CSMD2: variants seen among roughly 807,000 people sequenced by gnomAD.
The protein encoded by CSMD2 is CUB and sushi domain-containing protein 2.
CSMD2 carries 130 observed loss-of-function variants against 398.5 expected under a neutral mutation model. The ratio of observed to expected loss-of-function variants is 0.33; its 90% CI spans 0.28 to 0.38. CSMD2 has a LOEUF of 0.38. Among genes scored for constraint, CSMD2 ranks in the 10% least tolerant of loss-of-function variants. The probability of loss-of-function intolerance (pLI) is 1.00; values close to 1 mark genes in which losing one functional copy is unlikely to be tolerated. For missense variants in CSMD2, 3,829 were observed against 4,764.9 expected (o/e 0.80, Z 5.78); for synonymous variants, 1,828 against 1,908.5 (o/e 0.96, Z 1.10).
At chr1:33,686,515 C>T (rs899842556) in intron 25 of CSMD2, among the ~76,000 whole-genome samples, 3 of 152,240 alleles carry the variant, frequency 2.0e-5, no homozygotes, top group African/African-American at 7.2e-5. Flanking sequence ...TTCCATTCCA[C>T]TCTTGTCACA....
intron 1 of CSMD2, among the ~76,000 whole-genome samples, chr1:34,157,541 C>A (rs1180813779): frequency 6.6e-6 from 1 of 151,844 alleles, no homozygotes; most frequent in African/African-American, 2.4e-5. Context: ...CCATTCTACT[C>A]GACCCCAACT....
chr1:33,945,873 GA>G (rs1047862075), intron 3 of CSMD2, among the ~76,000 whole-genome samples: 2 of 152,128 alleles, frequency 1.3e-5, no homozygotes, highest in Non-Finnish European at 2.9e-5. Context: ...AAAACACATG[GA>G]AAATAAGTGG....
At chr1:33,592,164 A>G (rs935988312) in intron 44 of CSMD2, 1 of 511,282 alleles carries the variant, frequency 2.0e-6, no homozygotes, top group African/African-American at 1.9e-5. Flanking sequence ...AAGGTAGAGG[A>G]CGAGGAACTG....
intron 64 of CSMD2, among the ~76,000 whole-genome samples, chr1:33,531,878 T>C (rs1287504387): frequency 6.6e-6 from 1 of 152,180 alleles, no homozygotes; most frequent in Admixed American, 6.5e-5. Context: ...ATGAAAAAAT[T>C]CTGGAAATGG....
intron 2 of CSMD2, among the ~76,000 whole-genome samples, chr1:34,045,854 G>A (rs3125615): frequency 0.78 from 119,366 of 152,202 alleles, 47,089 homozygotes; most frequent in East Asian, 1. Flanking sequence ...CTACCCCAAC[G>A]GTTCCCAAAT....
At chr1:34,063,029 C>G (rs936687065) in intron 2 of CSMD2, among the ~76,000 whole-genome samples, 1 of 152,008 alleles carries the variant, frequency 6.6e-6, no homozygotes, top group African/African-American at 2.4e-5. Context: ...GCGGAAACCC[C>G]GATAAAACCA....
chr1:34,155,098 G>A lies in CSMD2; in HGVS notation c.187+9813C>T, dbSNP rs138358987. On this transcript the variant is annotated intron_variant, in intron 1 of 70. Coordinates refer to ENST00000373381, the MANE Select transcript of CSMD2 (RefSeq NM_001281956.2). ...TACTTATTGGGATTGGGATAGCTTA[G>A]CTTCAGGATTGGGGATGAAGGGAGG... Among the ~76,000 whole-genome samples, 53 of 152,322 alleles carry A rather than the reference G, an allele frequency of 3.5e-4. No homozygotes were observed. The East Asian group carries it at 0.01, about 29-fold the overall frequency.
chr1:33,523,509 T>C, intron 66 of CSMD2, 90 bp from the exon 67 acceptor site: 2 of 661,154 alleles, frequency 3.0e-6, no homozygotes, highest in South Asian at 3.7e-5. Context: ...AGTTTCTGGA[T>C]GGAATTTCAT....
chr1:33,992,173 C>T (rs1646575902), intron 3 of CSMD2, among the ~76,000 whole-genome samples: 2 of 152,116 alleles, frequency 1.3e-5, no homozygotes, highest in Non-Finnish European at 2.9e-5. Flanking sequence ...AAATTACAGC[C>T]CACATAGTCT....
intron 28 of CSMD2, 65 bp downstream of exon 28, chr1:33,652,258 C>A (rs1320434936): frequency 1.3e-6 from 2 of 1,558,530 alleles, no homozygotes; most frequent in African/African-American, 2.7e-5. Flanking sequence ...CACCTGGAGA[C>A]CCAGGTCCCA....
chr1:33,662,085 G>A (rs1644155518), intron 26 of CSMD2, among the ~76,000 whole-genome samples: 1 of 152,210 alleles, frequency 6.6e-6, no homozygotes, highest in Non-Finnish European at 1.5e-5. Context: ...ATGCATTCCA[G>A]GGAGAGGCAG....
chr1:33,912,416 C>G (rs946465393), intron 5 of CSMD2, among the ~76,000 whole-genome samples: 2 of 150,172 alleles, frequency 1.3e-5, no homozygotes, highest in African/African-American at 4.9e-5. Context: ...CATACACCCC[C>G]CCACACACAC....
chr1:33,537,629 A>C lies in CSMD2; in HGVS notation c.9632-20T>G, dbSNP rs746764020. ...ACACAGCTGGGAAGACGAAGGGAGAAAGGCAGGTCTAAGTTGCTTTCCAGA... is the reference window on the plus strand; with the variant it reads ...ACACAGCTGGGAAGACGAAGGGAGACAGGCAGGTCTAAGTTGCTTTCCAGA... On this transcript the variant is annotated intron_variant, in intron 60 of 70. Transcript: ENST00000373381. This position sits in a 1 kb window ranked among gnomAD's most constrained non-coding sequence, Gnocchi z 4.6. The C allele has an allele frequency of 1.9e-6, 3 of 1,600,870 alleles. No individual in the cohort carries two copies. In the Admixed American group the frequency reaches 5.1e-5, roughly 27 times the overall value.
intron 1 of CSMD2, among the ~76,000 whole-genome samples, chr1:34,137,515 A>C (rs1638873619): frequency 6.6e-6 from 1 of 152,130 alleles, no homozygotes; most frequent in African/African-American, 2.4e-5. Flanking sequence ...TGTAACCTCC[A>C]GTGTCCATTC....
chr1:33,848,961 T>C (rs959132213), intron 5 of CSMD2, among the ~76,000 whole-genome samples: 4 of 151,716 alleles, frequency 2.6e-5, no homozygotes, highest in African/African-American at 9.7e-5. Flanking sequence ...GAGGGGAGGG[T>C]GCTGAGGTCT....
At chr1:34,161,596 G>A (rs1250694917) in intron 1 of CSMD2, among the ~76,000 whole-genome samples, 1 of 152,190 alleles carries the variant, frequency 6.6e-6, no homozygotes, top group African/African-American at 2.4e-5. Context: ...CAGCCACAGA[G>A]AGATAAAAGA....
intron 5 of CSMD2, among the ~76,000 whole-genome samples, chr1:33,853,275 G>A (rs189993683): frequency 4.0e-4 from 61 of 152,290 alleles, no homozygotes; most frequent in Admixed American, 2.0e-3. Context: ...TATTTCTTGA[G>A]CACCTACTAT....
intron 5 of CSMD2, among the ~76,000 whole-genome samples, chr1:33,896,008 C>T (rs945697022): frequency 9.2e-5 from 14 of 152,156 alleles, no homozygotes; most frequent in Admixed American, 3.3e-4. Context: ...CCCAGAACCC[C>T]AGAGTCTGGG....
chr1:34,053,495 A>T (rs1385081594), intron 2 of CSMD2, among the ~76,000 whole-genome samples: 2 of 152,140 alleles, frequency 1.3e-5, no homozygotes, highest in Non-Finnish European at 2.9e-5. Context: ...GTGTAGTTTC[A>T]ATACAGGTCC....
Sources: gnomAD v4.1 joint callset for allele counts (sites outside exome capture counted in the v4.1 genomes callset) on GRCh38, gnomAD v4.1.1 for gene constraint, Gnocchi (gnomAD v3.1) non-coding constraint, MANE v1.5 for transcripts, NCBI Gene and HGNC (gene_info 2026-07-23, HGNC 2026-07-21) for gene names.